The following CNOT4 variants were observed in gnomAD, a reference collection of about 807,000 sequenced individuals.
CNOT4 encodes CCR4-associated factor 4.
Under a neutral mutation model 73.8 loss-of-function variants are expected in CNOT4, and 8 were observed. That is an observed-to-expected ratio of 0.11 (90% CI 0.06 to 0.20). The LOEUF is 0.20. Among genes scored for constraint, CNOT4 ranks in the 10% least tolerant of loss-of-function variants. The pLI is 1.00. For missense variants in CNOT4, 564 were observed against 883.4 expected (o/e 0.64, Z 4.58); for synonymous variants, 293 against 321.1 (o/e 0.91, Z 0.94).
At chr7:135,403,155 A>T (rs1055694434) in intron 7 of CNOT4, among the ~76,000 whole-genome samples, 2 of 152,256 alleles carry the variant, frequency 1.3e-5, no homozygotes, top group African/African-American at 4.8e-5. Context: ...CATAACAGAC[A>T]TTTCCAAATT....
chr7:135,488,330 GAGGCAAGAC>G (rs1802878925), intron 1 of CNOT4, among the ~76,000 whole-genome samples: 1 of 152,112 alleles, frequency 6.6e-6, no homozygotes, highest in African/African-American at 2.4e-5. Flanking sequence ...TCAGCCTCCT[GAGGCAAGAC>G]AATCGTACCA....
At chr7:135,414,249 A>AAT in intron 5 of CNOT4, 82 bp downstream of exon 5, 3 of 623,394 alleles carry the variant, frequency 4.8e-6, no homozygotes, top group Non-Finnish European at 8.5e-6. Flanking sequence ...TTTAATATAT[A>AAT]AATGCTCAGT....
chr7:135,372,178 ATC>A (rs1795244214), intron 10 of CNOT4, among the ~76,000 whole-genome samples: 2 of 152,208 alleles, frequency 1.3e-5, no homozygotes, highest in African/African-American at 4.8e-5. Flanking sequence ...CTTGCTGACG[ATC>A]TCTCTTTTCC....
intron 1 of CNOT4, among the ~76,000 whole-genome samples, chr7:135,439,130 T>C (rs935953986): frequency 3.3e-5 from 5 of 152,214 alleles, no homozygotes; most frequent in African/African-American, 1.2e-4. Context: ...TTTTAGATTA[T>C]AGGGAGTTTT....
At chr7:135,367,945 T>C (rs1344792157) in intron 10 of CNOT4, among the ~76,000 whole-genome samples, 1 of 151,968 alleles carries the variant, frequency 6.6e-6, no homozygotes, top group Non-Finnish European at 1.5e-5. Context: ...GAATCGATAA[T>C]ATATTTAGAT....
intron 2 of CNOT4, among the ~76,000 whole-genome samples, chr7:135,437,957 A>G (rs1255765775): frequency 6.6e-6 from 1 of 152,220 alleles, no homozygotes; most frequent in Non-Finnish European, 1.5e-5. Context: ...AAGATCATAC[A>G]GCTAGTAAAC....
At chr7:135,464,080 A>G (rs145368094) in intron 1 of CNOT4, among the ~76,000 whole-genome samples, 1 of 152,026 alleles carries the variant, frequency 6.6e-6, no homozygotes, top group East Asian at 1.9e-4. Context: ...GAACACTTAT[A>G]TTGCTGGTGG....
intron 1 of CNOT4, among the ~76,000 whole-genome samples, chr7:135,464,618 A>G (rs1159409620): frequency 1.3e-5 from 2 of 152,158 alleles, no homozygotes; most frequent in Non-Finnish European, 2.9e-5. Flanking sequence ...GTGATGTGAC[A>G]TGTGTTTACC....
chr7:135,499,551 T>G (rs375872995), intron 1 of CNOT4, among the ~76,000 whole-genome samples: 16 of 152,040 alleles, frequency 1.1e-4, no homozygotes, highest in African/African-American at 3.6e-4. Context: ...TTCGAACAGT[T>G]TGGAAAAGAT....
At chr7:135,422,437 G>A (rs1340746842) in intron 2 of CNOT4, 84 bp from the exon 3 acceptor site, 1 of 713,646 alleles carries the variant, frequency 1.4e-6, no homozygotes, top group East Asian at 2.5e-5. Context: ...TTGGTGGTGG[G>A]TATGTGGTTA....
At chr7:135,453,830 A>ATATATATATATAT in intron 1 of CNOT4, among the ~76,000 whole-genome samples, 1 of 130,972 alleles carries the variant, frequency 7.6e-6, no homozygotes, top group Non-Finnish European at 1.6e-5. Context: ...TATATTTTAT[A>ATATATATATATAT]TATATATATA....
chr7:135,374,887 G>A lies in CNOT4; in HGVS notation c.1628-10821C>T, dbSNP rs2129482686. Among the ~76,000 whole-genome samples the A allele has an allele frequency of 2.0e-5, 3 of 152,258 alleles. No homozygotes were observed. In the Middle Eastern group the frequency reaches 0.01, roughly 518 times the overall value. ...TAGCGTGTATGGGAAAAGGTCTAGT[G>A]GTTTTACTTAAATAGGCTTATGATA... On this transcript the variant is annotated intron_variant, in intron 10 of 11. Transcript: ENST00000541284.
chr7:135,496,996 G>A (rs916655701), intron 1 of CNOT4, among the ~76,000 whole-genome samples: 7 of 151,644 alleles, frequency 4.6e-5, no homozygotes, highest in African/African-American at 1.7e-4. Flanking sequence ...TTTAAGAAAT[G>A]GAGTCTCACT....
chr7:135,387,054 C>G, intron 10 of CNOT4: 2 of 982,440 alleles, frequency 2.0e-6, no homozygotes, highest in Admixed American at 6.2e-5. Flanking sequence ...CCAGGAGCCT[C>G]AGCTCCACAG....
intron 7 of CNOT4, among the ~76,000 whole-genome samples, chr7:135,408,071 C>CA (rs1292074408): frequency 7.4e-5 from 11 of 148,218 alleles, no homozygotes; most frequent in East Asian, 2.0e-4. Context: ...ATGCAGAAGG[C>CA]AAAAAAAAAT....
chr7:135,404,695 T>C (rs1797185638), intron 7 of CNOT4, among the ~76,000 whole-genome samples: 1 of 152,226 alleles, frequency 6.6e-6, no homozygotes, highest in Non-Finnish European at 1.5e-5. Context: ...GAGATTATAC[T>C]TGATTTTCAG....
At position 135,362,775 on chromosome 7, in the gene CNOT4, C is replaced by T. The variant is rs1019064441; in HGVS notation, c.*110G>A. 1 of 1,028,688 alleles carries T rather than the reference C, an allele frequency of 9.7e-7. No homozygotes were observed. The highest frequency in any genetic ancestry group is 1.5e-6 in the Non-Finnish European group (1 of 650,104). 63.7% of individuals were successfully genotyped at this position (1,028,688 alleles called of 1,614,324 possible). ...AGGGAGAAAAAAAATTGATCAGGTACTGGATTCTTCAGAACATAAGAGATG... is the reference window on the plus strand; with the variant it reads ...AGGGAGAAAAAAAATTGATCAGGTATTGGATTCTTCAGAACATAAGAGATG... On this transcript the variant is annotated 3_prime_UTR_variant, in exon 12 of 12. Transcript: ENST00000541284.
chr7:135,450,577 C>T (rs559276555), intron 1 of CNOT4, among the ~76,000 whole-genome samples: 1 of 152,284 alleles, frequency 6.6e-6, no homozygotes, highest in African/African-American at 2.4e-5. Flanking sequence ...TGTTCTCAAA[C>T]TCCTGGCCTC....
rs984048717 is a variant in CNOT4 at position 135,504,766 on chromosome 7, G to A, written c.-93+5123C>T. 2.3e-5 allele frequency among the ~76,000 whole-genome samples: 2 copies of A among 86,908 alleles called. 1 individual carries two copies. Among genetic ancestry groups the A allele is most frequent in the East Asian group, 5.7e-4 (2 of 3,486 alleles). The allele number at this position is 86,908 out of a possible 152,430, so 57.0% of individuals were successfully genotyped here. A position where few individuals can be genotyped will look rare whatever the true frequency, so the allele number is the denominator to read the frequency against. ...CTCCCAAAGTGCTGGGATTACAGGC[G>A]TGAGCCACCGCGCCCGGCCCATCCG... On this transcript the variant is annotated intron_variant, in intron 1 of 11. Coordinates refer to ENST00000541284, the MANE Select transcript of CNOT4 (RefSeq NM_001190850.2).
Sources: gnomAD v4.1 joint callset for allele counts (sites outside exome capture counted in the v4.1 genomes callset) on GRCh38, gnomAD v4.1.1 for gene constraint, MANE v1.5 for transcripts, NCBI Gene and HGNC (gene_info 2026-07-23, HGNC 2026-07-21) for gene names.